PIK3R4: variants seen among roughly 807,000 people sequenced by gnomAD.
The protein encoded by PIK3R4 is phosphoinositide 3-kinase regulatory subunit 4.
Under a neutral mutation model 136.5 loss-of-function variants are expected in PIK3R4, and 46 were observed. The observed-to-expected ratio is 0.34, with a 90% CI of 0.27 to 0.43. The LOEUF is 0.43. Among genes scored for constraint, PIK3R4 ranks in the 20% least tolerant of loss-of-function variants. PIK3R4 has a pLI of 1.00. For synonymous variants in PIK3R4, 557 were observed against 566.7 expected (o/e 0.98, Z 0.24); for missense variants, 1,331 against 1,649.5 (o/e 0.81, Z 3.35).
intron 9 of PIK3R4, among the ~76,000 whole-genome samples, chr3:130,712,391 G>A (rs879675870): frequency 1.2e-4 from 18 of 151,956 alleles, no homozygotes; most frequent in African/African-American, 1.7e-4. Flanking sequence ...AGGACTCGCC[G>A]GGCGAGGTGG....
chr3:130,686,152 AG>A (rs1167913596), intron 15 of PIK3R4, 58 bp downstream of exon 15: 2 of 975,316 alleles, frequency 2.1e-6, no homozygotes, highest in Non-Finnish European at 3.3e-6. Flanking sequence ...TTCACAAGAC[AG>A]CAATTGCAGG....
chr3:130,707,220 G>T, intron 10 of PIK3R4, 85 bp from the exon 11 acceptor site: 1 of 815,486 alleles, frequency 1.2e-6, no homozygotes. Flanking sequence ...GGGGACAGTA[G>T]AGGAGGCAGG....
At chr3:130,707,840 G>C (rs1414077036) in intron 10 of PIK3R4, among the ~76,000 whole-genome samples, 1 of 152,170 alleles carries the variant, frequency 6.6e-6, no homozygotes, top group Admixed American at 6.5e-5. Context: ...GTCTTGTCTG[G>C]TCTCTACTCT....
chr3:130,721,516 T>TA (rs139205252), intron 7 of PIK3R4, among the ~76,000 whole-genome samples: 1 of 151,456 alleles, frequency 6.6e-6, no homozygotes, highest in Admixed American at 6.6e-5. Context: ...ACTGAATGAA[T>TA]AAAAAAAATG....
intron 7 of PIK3R4, among the ~76,000 whole-genome samples, chr3:130,723,079 A>AAAAAAAAAAAAAC: frequency 6.8e-6 from 1 of 146,308 alleles, no homozygotes; most frequent in East Asian, 2.0e-4. Flanking sequence ...AAAAAAAAAA[A>AAAAAAAAAAAAAC]AAAAAAAAAA....
chr3:130,724,822 A>G (rs552037987), intron 6 of PIK3R4, among the ~76,000 whole-genome samples: 1 of 152,042 alleles, frequency 6.6e-6, no homozygotes, highest in East Asian at 1.9e-4. Flanking sequence ...TTCATCTGGC[A>G]CAGAAAAAAA....
intron 3 of PIK3R4, among the ~76,000 whole-genome samples, chr3:130,735,230 T>C (rs150451329): frequency 6.6e-6 from 1 of 152,278 alleles, no homozygotes; most frequent in African/African-American, 2.4e-5. Context: ...TTAAAGAATA[T>C]TCTAAACACA....
At position 130,745,806 on chromosome 3, in the gene PIK3R4, G is replaced by C. The variant is rs1339186967; in HGVS notation, c.-47+512C>G. Among the ~76,000 whole-genome samples the C allele has an allele frequency of 3.3e-5, 5 of 152,222 alleles. No homozygotes were observed. In the East Asian group the frequency reaches 9.6e-4, roughly 29 times the overall value. ...CGGGAGGCCGAGGCGGGAGGATCAC[G>C]AGGTCAGGAGCTCAAGACGGGGCTG... is the stretch of plus-strand genomic sequence containing the variant. On this transcript the variant is annotated intron_variant, in intron 1 of 19. Coordinates refer to ENST00000356763, the MANE Select transcript of PIK3R4 (RefSeq NM_014602.3).
intron 6 of PIK3R4, among the ~76,000 whole-genome samples, chr3:130,727,805 TA>T (rs1038673087): frequency 1.3e-5 from 2 of 152,142 alleles, no homozygotes; most frequent in African/African-American, 4.8e-5. Flanking sequence ...AAACATGACT[TA>T]ACCCATGCAA....
Position 130,745,244 on chromosome 3 carries a change from A to G in PIK3R4, c.-26T>C, listed in dbSNP as rs1209001051. 8 of 1,563,076 alleles carry G rather than the reference A, an allele frequency of 5.1e-6. No homozygotes were observed. Among genetic ancestry groups the G allele is most frequent in the African/African-American group, 4.1e-5 (3 of 72,616 alleles). ...AATGGCAAGCACCTCTGTGGTCTTT[A>G]GTAAGGTTAGGATATAATACCTGTT... On this transcript the variant is annotated 5_prime_UTR_variant, in exon 2 of 20. Coordinates refer to ENST00000356763, the MANE Select transcript of PIK3R4 (RefSeq NM_014602.3).
chr3:130,727,766 CAA>C (rs2066741307), intron 6 of PIK3R4, among the ~76,000 whole-genome samples: 1 of 152,036 alleles, frequency 6.6e-6, no homozygotes. Context: ...AGTTATTATT[CAA>C]AAGAGAAAAA....
At chr3:130,699,129 T>C (rs1428560855) in intron 13 of PIK3R4, among the ~76,000 whole-genome samples, 1 of 152,208 alleles carries the variant, frequency 6.6e-6, no homozygotes. Context: ...GACCCAAGAA[T>C]AGATCAAAAC....
At chr3:130,730,231 A>G (rs1223203740) in intron 5 of PIK3R4, 77 bp downstream of exon 5, 14 of 1,221,900 alleles carry the variant, frequency 1.1e-5, no homozygotes, top group Non-Finnish European at 1.5e-5. Context: ...CATGAAAACT[A>G]CAAATGATAG....
At chr3:130,746,209 C>T (rs1487758782) in intron 1 of PIK3R4, 109 bp downstream of exon 1, 1 of 152,034 alleles carries the variant, frequency 6.6e-6, no homozygotes, top group African/African-American at 2.4e-5. Flanking sequence ...AAAAGCAGAC[C>T]AAAGTATACA....
At chr3:130,704,772 A>G (rs2107607565) in intron 12 of PIK3R4, among the ~76,000 whole-genome samples, 1 of 152,202 alleles carries the variant, frequency 6.6e-6, no homozygotes, top group South Asian at 2.1e-4. Flanking sequence ...TTTAATGTTG[A>G]TCATCGTTAA....
At chr3:130,680,955 T>TTAAAG (rs2066454545) in intron 18 of PIK3R4, 22 bp downstream of exon 18, 9 of 1,196,324 alleles carry the variant, frequency 7.5e-6, no homozygotes, top group African/African-American at 3.0e-5. Flanking sequence ...ATCCATTTTA[T>TTAAAG]TAAAGTATTG....
intron 16 of PIK3R4, 89 bp from the exon 17 acceptor site, chr3:130,681,680 A>C: frequency 2.7e-6 from 2 of 734,836 alleles, no homozygotes; most frequent in Non-Finnish European, 4.7e-6. Flanking sequence ...GAGAGAAAGA[A>C]AGAAAAATTT....
intron 11 of PIK3R4, 61 bp from the exon 12 acceptor site, chr3:130,705,832 A>T: frequency 1.1e-6 from 1 of 919,538 alleles, no homozygotes; most frequent in South Asian, 1.5e-5. Flanking sequence ...TGAAGACAGA[A>T]GTGTATGCAT....
intron 15 of PIK3R4, among the ~76,000 whole-genome samples, chr3:130,685,689 A>C (rs1456228513): frequency 6.6e-6 from 1 of 152,204 alleles, no homozygotes; most frequent in African/African-American, 2.4e-5. Flanking sequence ...GCAAACAATA[A>C]AGTAAGAAAC....
Sources: gnomAD v4.1 joint callset for allele counts (sites outside exome capture counted in the v4.1 genomes callset) on GRCh38, gnomAD v4.1.1 for gene constraint, MANE v1.5 for transcripts, NCBI Gene and HGNC (gene_info 2026-07-23, HGNC 2026-07-21) for gene names.